The following JAKMIP3 variants were observed in gnomAD, a reference collection of about 807,000 sequenced individuals.
The protein encoded by JAKMIP3 is Janus kinase and microtubule interacting protein 3.
A neutral mutation model predicts 118.5 loss-of-function variants in JAKMIP3; 58 were observed. The ratio of observed to expected loss-of-function variants is 0.49; its 90% CI spans 0.40 to 0.61. The LOEUF (loss-of-function observed/expected upper bound fraction) is 0.61. JAKMIP3 is among the 20% of genes least tolerant of loss of function. JAKMIP3 has a pLI of 0.00. For missense variants in JAKMIP3, 950 were observed against 1,109.0 expected, an observed-to-expected ratio of 0.86 and a Z score of 2.04; for synonymous variants, 486 against 451.2, an observed-to-expected ratio of 1.08 and a Z score of -0.98.
intron 1 of JAKMIP3, among the ~76,000 whole-genome samples, chr10:132,099,846 T>C (rs962416886): frequency 1.3e-5 from 2 of 151,264 alleles, no homozygotes; most frequent in East Asian, 3.9e-4. Flanking sequence ...CCCCTCGCAC[T>C]GCCACGCTGT....
At chr10:132,145,634 G>T in intron 13 of JAKMIP3, 54 bp downstream of exon 13, 2 of 1,440,034 alleles carry the variant, frequency 1.4e-6, no homozygotes, top group African/African-American at 1.4e-5. Context: ...GCTCCTGGGG[G>T]TTGCAGTGGT....
chr10:132,137,380 C>A (rs940618250), intron 8 of JAKMIP3, 91 bp downstream of exon 8: 1 of 1,499,284 alleles, frequency 6.7e-7, no homozygotes, highest in South Asian at 1.1e-5. Context: ...CCTCACAGAC[C>A]AGACAGAAGC....
At chr10:132,036,805 G>A (rs2037515201) in intron 1 of JAKMIP3, among the ~76,000 whole-genome samples, 1 of 151,632 alleles carries the variant, frequency 6.6e-6, no homozygotes, top group Admixed American at 6.6e-5. Flanking sequence ...GGCACGGTGC[G>A]TCCGGGACGC....
chr10:132,170,663 C>T (rs535977277), intron 23 of JAKMIP3, among the ~76,000 whole-genome samples: 13 of 152,222 alleles, frequency 8.5e-5, no homozygotes, highest in East Asian at 5.8e-4. Context: ...TCCATGGGGG[C>T]GGTCAGGGTA....
chr10:132,131,986 G>T (rs1176902170), intron 3 of JAKMIP3, among the ~76,000 whole-genome samples: 1 of 152,184 alleles, frequency 6.6e-6, no homozygotes, highest in Non-Finnish European at 1.5e-5. Flanking sequence ...AGAAAATCTT[G>T]TTTGAGTCTG....
intron 1 of JAKMIP3, among the ~76,000 whole-genome samples, chr10:132,089,364 T>A (rs1465133138): frequency 6.6e-6 from 1 of 152,250 alleles, no homozygotes; most frequent in Non-Finnish European, 1.5e-5. Flanking sequence ...TCCATTTGTA[T>A]GTGTCCTCTT....
chr10:132,065,701 C>T (rs75549243), upstream of JAKMIP3, among the ~76,000 whole-genome samples: 175 of 152,236 alleles, frequency 1.1e-3, 1 homozygote, highest in African/African-American at 4.1e-3. The surrounding 1 kb of genome is among the most constrained non-coding windows in gnomAD (Gnocchi z 5.6). Context: ...TTCGGCCGCC[C>T]GGCCGTGCAG....
chr10:132,150,321 C>T (rs2055845568), intron 16 of JAKMIP3, among the ~76,000 whole-genome samples: 1 of 152,170 alleles, frequency 6.6e-6, no homozygotes, highest in South Asian at 2.1e-4. Flanking sequence ...CCATACTTGC[C>T]ATGAGGATAG....
chr10:132,147,748 C>G lies in JAKMIP3; in HGVS notation c.1750-204C>G, dbSNP rs552988626. Among the ~76,000 whole-genome samples, 9 of 152,354 alleles carry G rather than the reference C, an allele frequency of 5.9e-5. No homozygotes were observed. In the South Asian group the frequency reaches 1.9e-3, roughly 32 times the overall value. On this transcript the variant is annotated intron_variant, in intron 13 of 23. Transcript: ENST00000684848. ...GTGGTATGCGGTGCTGCCTGCCCAG[C>G]CCCACCCACCACCGGATGGCTAGGC...
At chr10:132,094,945 G>A (rs1479618138) in intron 1 of JAKMIP3, among the ~76,000 whole-genome samples, 6 of 152,140 alleles carry the variant, frequency 3.9e-5, no homozygotes, top group Non-Finnish European at 7.4e-5. Flanking sequence ...CAGGTTAATG[G>A]AGTTGTGTAC....
At chr10:132,046,087 A>G (rs1362869245) in intron 1 of JAKMIP3, among the ~76,000 whole-genome samples, 1 of 152,114 alleles carries the variant, frequency 6.6e-6, no homozygotes, top group Non-Finnish European at 1.5e-5. Context: ...ATCAGCCTAG[A>G]AGGTTCCTGA....
rs376645431 is a variant in JAKMIP3, at chr10:132,117,454, G to A, written c.513G>A (p.Ala171=). 39 of 1,613,838 alleles carry A rather than the reference G, an allele frequency of 2.4e-5. No homozygotes were observed. Among genetic ancestry groups the A allele is most frequent in the Non-Finnish European group, 2.5e-5 (30 of 1,179,902 alleles). The change falls in exon 3 of 24, where the codon GCG becomes GCA. Residue 171 remains alanine (A), a synonymous_variant. Coordinates refer to ENST00000684848, the MANE Select transcript of JAKMIP3 (RefSeq NM_001323087.2). This position sits in a 1 kb window ranked among gnomAD's most constrained non-coding sequence, Gnocchi z 8.6. The part of the protein sequence containing the change: ...LKGAKRQVEE[A]LTLVIQADKI... Reference sequence around the variant, plus strand: ...GCGCCAAAAGGCAGGTGGAGGAGGCGCTGACGCTGGTGATCCAAGCGGACA... The same window carrying A: ...GCGCCAAAAGGCAGGTGGAGGAGGCACTGACGCTGGTGATCCAAGCGGACA...
At chr10:132,103,925 G>C (rs1036810103) in intron 1 of JAKMIP3, among the ~76,000 whole-genome samples, 2 of 152,172 alleles carry the variant, frequency 1.3e-5, no homozygotes, top group East Asian at 1.9e-4. Flanking sequence ...ATTCTACTTA[G>C]TTCCTGGGTT....
chr10:132,076,806 C>T (rs887644735), intron 1 of JAKMIP3, among the ~76,000 whole-genome samples: 2 of 151,226 alleles, frequency 1.3e-5, no homozygotes, highest in African/African-American at 4.9e-5. Flanking sequence ...TGCGGTGGCC[C>T]CAGGTATGAT....
chr10:132,087,328 C>T (rs2042527155), intron 1 of JAKMIP3, among the ~76,000 whole-genome samples: 1 of 151,510 alleles, frequency 6.6e-6, no homozygotes, highest in African/African-American at 2.4e-5. Flanking sequence ...AACCTGATGA[C>T]AATGTGCCTA....
At chr10:132,149,958 C>T (rs1237691628) in intron 15 of JAKMIP3, 24 bp from the exon 16 acceptor site, 1 of 1,476,594 alleles carries the variant, frequency 6.8e-7, no homozygotes, top group Non-Finnish European at 9.0e-7. Context: ...GGCCACTCAC[C>T]CCTACCTGTC....
At chr10:132,070,443 C>T (rs933877145) in intron 1 of JAKMIP3, among the ~76,000 whole-genome samples, 7 of 152,154 alleles carry the variant, frequency 4.6e-5, no homozygotes, top group Admixed American at 2.0e-4. Flanking sequence ...CCACCGCGCC[C>T]GACCTGTCCT....
intron 2 of JAKMIP3, among the ~76,000 whole-genome samples, chr10:132,113,663 A>G (rs943451788): frequency 6.6e-6 from 1 of 152,206 alleles, no homozygotes; most frequent in South Asian, 2.1e-4. Context: ...TTTTGAGGAA[A>G]TCTTTGCCTG....
intron 1 of JAKMIP3, among the ~76,000 whole-genome samples, chr10:132,045,842 G>C (rs2037892742): frequency 6.6e-6 from 1 of 151,784 alleles, no homozygotes; most frequent in Non-Finnish European, 1.5e-5. Context: ...GCTGAAGTGG[G>C]AGGATCACTT....
Sources: allele counts gnomAD v4.1 joint callset (sites outside exome capture counted in the v4.1 genomes callset), GRCh38; gene constraint gnomAD v4.1.1; non-coding constraint Gnocchi (gnomAD v3.1); transcripts MANE v1.5; gene names NCBI Gene and HGNC (gene_info 2026-07-23, HGNC 2026-07-21).